Variants in EIF4G3 observed in about 807,000 individuals in gnomAD.
EIF4G3 encodes the protein eukaryotic translation initiation factor 4 gamma 3.
A neutral mutation model predicts 186.4 loss-of-function variants in EIF4G3; 34 were observed. The ratio of observed to expected loss-of-function variants is 0.18; its 90% CI spans 0.14 to 0.24. EIF4G3 has a LOEUF of 0.24. EIF4G3 is among the 10% of genes least tolerant of loss of function. The probability of loss-of-function intolerance (pLI) is 1.00; values close to 1 mark genes in which losing one functional copy is unlikely to be tolerated. For synonymous variants in EIF4G3, 673 were observed against 679.5 expected (o/e 0.99, Z 0.15); for missense variants, 1,536 against 1,948.5 (o/e 0.79, Z 3.99).
intron 12 of EIF4G3, among the ~76,000 whole-genome samples, chr1:20,959,130 T>C (rs1379527854): frequency 1.3e-5 from 2 of 151,600 alleles, no homozygotes; most frequent in Non-Finnish European, 3.0e-5. Context: ...GCATCACAAT[T>C]ACTTCAAATC....
intron 18 of EIF4G3, among the ~76,000 whole-genome samples, chr1:20,888,726 T>C (rs1382858015): frequency 7.9e-5 from 12 of 152,102 alleles, no homozygotes; most frequent in Admixed American, 7.9e-4. Flanking sequence ...AAAAGGACCC[T>C]AAAAACTATA....
At chr1:21,031,866 G>C (rs937640161) in intron 4 of EIF4G3, among the ~76,000 whole-genome samples, 3 of 152,154 alleles carry the variant, frequency 2.0e-5, no homozygotes, top group Admixed American at 6.5e-5. Flanking sequence ...AAATATACAA[G>C]TGGCAGTTCA....
intron 30 of EIF4G3, among the ~76,000 whole-genome samples, chr1:20,838,292 G>A (rs1055345726): frequency 6.6e-6 from 1 of 152,144 alleles, no homozygotes; most frequent in African/African-American, 2.4e-5. Flanking sequence ...ATCAACTTCC[G>A]AGTATAGTTT....
intron 15 of EIF4G3, among the ~76,000 whole-genome samples, chr1:20,900,685 A>G (rs2090002881): frequency 6.6e-6 from 1 of 152,162 alleles, no homozygotes; most frequent in South Asian, 2.1e-4. Context: ...TGAATCTTCA[A>G]AACTCCTTGA....
At chr1:20,845,238 G>C (rs997267038) in intron 29 of EIF4G3, among the ~76,000 whole-genome samples, 2 of 152,144 alleles carry the variant, frequency 1.3e-5, no homozygotes, top group South Asian at 4.1e-4. Flanking sequence ...GCTTGTTTTT[G>C]TCAGGTTTGT....
intron 2 of EIF4G3, among the ~76,000 whole-genome samples, chr1:21,157,547 G>C (rs1394978339): frequency 1.3e-5 from 2 of 151,820 alleles, no homozygotes; most frequent in Admixed American, 6.6e-5. Context: ...TGTTGCCCAG[G>C]TTGGTCTTCC....
At position 20,894,779 on chromosome 1, in the gene EIF4G3, C is replaced by CTCCTTTTAATTTAGTA. The variant is rs1572344203; in HGVS notation, c.2133+573_2133+588dup. ...AATTACTTTAGTAGATCTGACTTTA[C>CTCCTTTTAATTTAGTA]TCCTTTTAATTTAGTAAACAAATAC... On this transcript the variant is annotated intron_variant, in intron 17 of 36. Transcript: ENST00000602326. Among the ~76,000 whole-genome samples, 6 of 152,280 alleles carry CTCCTTTTAATTTAGTA rather than the reference C, an allele frequency of 3.9e-5. No individual in the cohort carries two copies. The East Asian group carries it at 1.2e-3, about 29-fold the overall frequency.
At chr1:20,981,641 CTGT>C (rs2078170755) in intron 8 of EIF4G3, among the ~76,000 whole-genome samples, 3 of 121,584 alleles carry the variant, frequency 2.5e-5, no homozygotes, top group Admixed American at 1.7e-4. Flanking sequence ...TACGCACATA[CTGT>C]ATGTATACAT....
chr1:20,818,403 C>T (rs1045550632), intron 33 of EIF4G3, among the ~76,000 whole-genome samples: 4 of 152,106 alleles, frequency 2.6e-5, no homozygotes, highest in African/African-American at 9.7e-5. Flanking sequence ...CTTTGGGAGG[C>T]CAAGGCAGGA....
chr1:21,121,769 C>T lies in EIF4G3; in HGVS notation c.-271-32556G>A, dbSNP rs368773169. Among the ~76,000 whole-genome samples, 239 of 147,384 alleles carry T rather than the reference C, an allele frequency of 1.6e-3. 3 individuals carry two copies. Among genetic ancestry groups the T allele is most frequent in the African/African-American group, 5.6e-3 (222 of 39,960 alleles). The stretch of plus-strand genomic sequence containing the variant: ...CAGCCTGGGTGACAGGGCAAGACTC[C>T]GTCTCAAAAAAAAAAAAAAAACTAA... On this transcript the variant is annotated intron_variant, in intron 2 of 36. Transcript: ENST00000602326.
chr1:20,890,123 C>T (rs1475453672), intron 18 of EIF4G3, among the ~76,000 whole-genome samples: 1 of 151,968 alleles, frequency 6.6e-6, no homozygotes, highest in Non-Finnish European at 1.5e-5. Flanking sequence ...CAGACATGTA[C>T]CACCACGCCT....
intron 2 of EIF4G3, among the ~76,000 whole-genome samples, chr1:21,093,241 A>G (rs1162216760): frequency 5.3e-5 from 8 of 152,234 alleles, no homozygotes; most frequent in Non-Finnish European, 1.2e-4. Context: ...AAAGAACTCA[A>G]ACAAATTTAC....
intron 14 of EIF4G3, among the ~76,000 whole-genome samples, chr1:20,926,984 C>T (rs139518210): frequency 1.2e-3 from 175 of 150,166 alleles, no homozygotes; most frequent in African/African-American, 4.1e-3. Context: ...TTTAAGGGTT[C>T]GAGGAATTAT....
Position 20,863,593 on chromosome 1 carries a change from C to A in EIF4G3, c.3006+883G>T, listed in dbSNP as rs193289306. Among the ~76,000 whole-genome samples the A allele has an allele frequency of 4.0e-5, 6 of 151,580 alleles. No individual in the cohort carries two copies. In the East Asian group the frequency reaches 9.7e-4, roughly 25 times the overall value. ...CCAAGTAGCTGGGATTACAGGCATG[C>A]GCCACCATGCCTGGCTAATTCTGTA... On this transcript the variant is annotated intron_variant, in intron 22 of 36. Transcript: ENST00000602326.
chr1:20,878,811 G>A (rs2154554023), intron 20 of EIF4G3, among the ~76,000 whole-genome samples: 1 of 152,310 alleles, frequency 6.6e-6, no homozygotes, highest in East Asian at 1.9e-4. Flanking sequence ...TTGACAGGCT[G>A]TGGAGATTAA....
intron 7 of EIF4G3, among the ~76,000 whole-genome samples, chr1:20,991,066 TG>T (rs1245126499): frequency 6.6e-6 from 1 of 152,224 alleles, no homozygotes; most frequent in African/African-American, 2.4e-5. Context: ...GTCCACATAA[TG>T]GGACATCACT....
At chr1:21,100,685 T>C (rs113996284) in intron 2 of EIF4G3, among the ~76,000 whole-genome samples, 2 of 152,112 alleles carry the variant, frequency 1.3e-5, no homozygotes, top group Non-Finnish European at 2.9e-5. Context: ...ACTATGATTA[T>C]GCCAGGCTGC....
At chr1:21,026,747 C>T (rs1469154164) in intron 4 of EIF4G3, among the ~76,000 whole-genome samples, 2 of 151,836 alleles carry the variant, frequency 1.3e-5, no homozygotes, top group African/African-American at 4.8e-5. Context: ...GCCAGGAGTT[C>T]GAGACCAACC....
At chr1:21,068,389 A>AAAAAAAAAAAC (rs2095333015) in intron 3 of EIF4G3, among the ~76,000 whole-genome samples, 7 of 149,976 alleles carry the variant, frequency 4.7e-5, no homozygotes, top group Admixed American at 4.6e-4. Context: ...AAAAAAAAAA[A>AAAAAAAAAAAC]AAAAAAAAAA....
Sources: allele counts gnomAD v4.1 joint callset (sites outside exome capture counted in the v4.1 genomes callset), GRCh38; gene constraint gnomAD v4.1.1; transcripts MANE v1.5; gene names NCBI Gene and HGNC (gene_info 2026-07-23, HGNC 2026-07-21).